DAAM1: variants seen among roughly 807,000 people sequenced by gnomAD.
DAAM1 encodes dishevelled associated activator of morphogenesis 1, also known as disheveled-associated activator of morphogenesis 1.
Under a neutral mutation model 130.0 loss-of-function variants are expected in DAAM1, and 52 were observed. That is an observed-to-expected ratio of 0.40 (90% CI 0.32 to 0.50). The LOEUF is 0.50. DAAM1 is among the 20% of genes least tolerant of loss of function. DAAM1 has a pLI of 0.61. For synonymous variants in DAAM1, 452 were observed against 444.5 expected (o/e 1.02, Z -0.21); for missense variants, 1,134 against 1,303.8 (o/e 0.87, Z 2.01).
At chr14:59,251,165 G>A (rs1036844801) in intron 1 of DAAM1, among the ~76,000 whole-genome samples, 2 of 152,148 alleles carry the variant, frequency 1.3e-5, no homozygotes, top group East Asian at 3.8e-4. Context: ...TTACAAGTTA[G>A]GAAACCTGTT....
chr14:59,206,080 C>A (rs1286917116), intron 1 of DAAM1, among the ~76,000 whole-genome samples: 3 of 151,986 alleles, frequency 2.0e-5, no homozygotes, highest in Admixed American at 6.6e-5. Flanking sequence ...TCTCGAACTC[C>A]TGGGCTCAAG....
chr14:59,244,242 A>ATT (rs59495382), intron 1 of DAAM1, among the ~76,000 whole-genome samples: 30,383 of 146,356 alleles, frequency 0.21, 3,288 homozygotes, highest in East Asian at 0.32. Context: ...CACTAAACCT[A>ATT]TTTTTTTTTT....
At chr14:59,340,521 T>C (rs1337076891) in intron 16 of DAAM1, among the ~76,000 whole-genome samples, 1 of 152,264 alleles carries the variant, frequency 6.6e-6, no homozygotes, top group Non-Finnish European at 1.5e-5. Flanking sequence ...AGTAGCATTG[T>C]CACAGAATCA....
intron 22 of DAAM1, 135 bp downstream of exon 22, chr14:59,360,997 C>T: frequency 1.4e-6 from 1 of 694,106 alleles, no homozygotes; most frequent in Non-Finnish European, 2.2e-6. Flanking sequence ...ATAAGAACCA[C>T]CACCACAAGA....
chr14:59,193,435 T>G (rs990238359), intron 1 of DAAM1, among the ~76,000 whole-genome samples: 28 of 152,178 alleles, frequency 1.8e-4, no homozygotes, highest in Non-Finnish European at 3.4e-4. Context: ...CCAGCAGATT[T>G]TTTTTTTCAG....
At chr14:59,207,530 C>G (rs994692127) in intron 1 of DAAM1, among the ~76,000 whole-genome samples, 1 of 152,156 alleles carries the variant, frequency 6.6e-6, no homozygotes, top group Non-Finnish European at 1.5e-5. Flanking sequence ...TAAAACATAT[C>G]AATAATGAAA....
chr14:59,367,516 G>C lies in DAAM1; in HGVS notation c.2914G>C (p.Ala972Pro), dbSNP rs1886967008. ...TGGCATTTTTGATCAATTTCTTCAAGCTGTGTCAGAAGCCAAACAAGAAAA... is the reference window on the plus strand; with the variant it reads ...TGGCATTTTTGATCAATTTCTTCAACCTGTGTCAGAAGCCAAACAAGAAAA... ...FFGIFDQFLQAVSEAKQENEN... is the reference protein window; with the variant it reads ...FFGIFDQFLQPVSEAKQENEN... Residue 972 changes from alanine (A) to proline (P), a missense_variant, in exon 24 of 25, where the codon GCT becomes CCT. By Grantham distance (27) the Ala-to-Pro change is conservative (BLOSUM62 -1). Coordinates refer to ENST00000360909, the MANE Select transcript of DAAM1 (RefSeq NM_001270520.2). 1 of 1,613,784 alleles carries C rather than the reference G, an allele frequency of 6.2e-7. No homozygotes were observed. Among genetic ancestry groups the C allele is most frequent in the South Asian group, 1.1e-5 (1 of 91,062 alleles).
chr14:59,257,308 C>T (rs892459476), intron 1 of DAAM1, among the ~76,000 whole-genome samples: 2 of 151,794 alleles, frequency 1.3e-5, no homozygotes, highest in South Asian at 2.1e-4. Context: ...GAATATACTA[C>T]GTGCCAGGGA....
rs1216610786 is a variant in DAAM1, at chr14:59,326,504, T to C, written c.1175-6T>C. On this transcript the variant is annotated splice_polypyrimidine_tract_variant and splice_region_variant and intron_variant, in intron 10 of 24. Coordinates refer to ENST00000360909, the MANE Select transcript of DAAM1 (RefSeq NM_001270520.2). ...GATTTTTTTTCACTATTCTTTTCTT[T>C]TTTAGACAAGAGGAGTGGCAACACT... 2 of 1,565,798 alleles carry C rather than the reference T, an allele frequency of 1.3e-6. No individual in the cohort carries two copies. Among genetic ancestry groups the C allele is most frequent in the Admixed American group, 4.0e-5 (2 of 50,264 alleles).
chr14:59,202,500 C>G (rs73295919), intron 1 of DAAM1, among the ~76,000 whole-genome samples: 5,326 of 151,078 alleles, frequency 0.035, 290 homozygotes, highest in African/African-American at 0.12. Context: ...CTTAAAACAT[C>G]ATTCATTTGT....
At chr14:59,368,124 T>G (rs1484356587) in intron 24 of DAAM1, among the ~76,000 whole-genome samples, 1 of 152,206 alleles carries the variant, frequency 6.6e-6, no homozygotes, top group East Asian at 1.9e-4. Context: ...TTCACAGTAG[T>G]AGAATTAAAG....
chr14:59,369,753 T>A lies in DAAM1; in HGVS notation c.*894T>A, dbSNP rs957269017. 6 of 95,608 alleles carry A rather than the reference T, an allele frequency of 6.3e-5. No individual in the cohort carries two copies. Among genetic ancestry groups the A allele is most frequent in the East Asian group, 3.0e-4 (1 of 3,340 alleles). The allele number at this position is 95,608 out of a possible 1,614,324, so 5.9% of individuals were successfully genotyped here. ...AATTCTCTGAAGGGATAAAGATTACTAAAAAAAAAAAAAAAAAAAAAAAAT... is the reference window on the plus strand; with the variant it reads ...AATTCTCTGAAGGGATAAAGATTACAAAAAAAAAAAAAAAAAAAAAAAAAT... On this transcript the variant is annotated 3_prime_UTR_variant, in exon 25 of 25. Coordinates refer to ENST00000360909, the MANE Select transcript of DAAM1 (RefSeq NM_001270520.2).
intron 16 of DAAM1, among the ~76,000 whole-genome samples, chr14:59,345,344 G>C (rs1594838749): frequency 6.6e-6 from 1 of 152,176 alleles, no homozygotes; most frequent in Middle Eastern, 3.2e-3. Flanking sequence ...CGGCGTAGGG[G>C]TTATAATGGC....
chr14:59,361,459 G>C (rs1211593421), intron 22 of DAAM1, among the ~76,000 whole-genome samples: 1 of 152,176 alleles, frequency 6.6e-6, no homozygotes, highest in Non-Finnish European at 1.5e-5. Flanking sequence ...TGCTTTGGAG[G>C]CATGAGGAAC....
chr14:59,315,417 T>C, intron 4 of DAAM1, 66 bp downstream of exon 4: 2 of 1,471,928 alleles, frequency 1.4e-6, no homozygotes, highest in South Asian at 2.4e-5. Flanking sequence ...AGTACACAGT[T>C]GCACAATAAA....
chr14:59,253,976 T>TA (rs893629548), intron 1 of DAAM1, among the ~76,000 whole-genome samples: 1 of 152,248 alleles, frequency 6.6e-6, no homozygotes, highest in African/African-American at 2.4e-5. Flanking sequence ...GTGAGGAAGT[T>TA]AAAAAATGCC....
intron 17 of DAAM1, among the ~76,000 whole-genome samples, chr14:59,349,206 A>G (rs1029683883): frequency 2.0e-5 from 3 of 152,240 alleles, no homozygotes; most frequent in Admixed American, 6.5e-5. Flanking sequence ...GTGAAGGACT[A>G]TGTGTAAAGC....
intron 4 of DAAM1, among the ~76,000 whole-genome samples, chr14:59,318,747 G>C (rs536304862): frequency 6.6e-6 from 1 of 152,040 alleles, no homozygotes; most frequent in East Asian, 1.9e-4. Context: ...GTTTTGAAAG[G>C]TTATGTTCCT....
intron 1 of DAAM1, among the ~76,000 whole-genome samples, chr14:59,224,790 C>T (rs1208626929): frequency 6.6e-6 from 1 of 152,226 alleles, no homozygotes; most frequent in Non-Finnish European, 1.5e-5. Context: ...CAAGGTGGTG[C>T]TATTAGAAGG....
Sources: gnomAD v4.1 joint callset for allele counts (sites outside exome capture counted in the v4.1 genomes callset) on GRCh38, gnomAD v4.1.1 for gene constraint, MANE v1.5 for transcripts, NCBI Gene and HGNC (gene_info 2026-07-23, HGNC 2026-07-21) for gene names.